MAGEC3: variants seen among roughly 807,000 people sequenced by gnomAD.
MAGEC3 encodes the protein melanoma-associated antigen C3.
MAGEC3 carries 34 observed loss-of-function variants against 35.3 expected under a neutral mutation model. That is an observed-to-expected ratio of 0.96 (90% CI 0.73 to 1.28). MAGEC3 has a LOEUF of 1.28. Ranked by LOEUF, MAGEC3 falls within the 50% of genes most tolerant of loss-of-function variation. The pLI is 0.00. For missense variants in MAGEC3, 561 were observed against 483.6 expected, an observed-to-expected ratio of 1.16 and a Z score of -1.50; for synonymous variants, 202 against 185.6, an observed-to-expected ratio of 1.09 and a Z score of -0.72.
chrX:141,893,230 A>G (rs1308817344), intron 4 of MAGEC3, among the ~76,000 whole-genome samples: 2 of 112,103 alleles, frequency 1.8e-5, no homozygotes, highest in African/African-American at 6.5e-5. Context: ...AGGAGCTTTC[A>G]GTCATTGTTA....
chrX:141,840,999 T>G (rs979459556), intron 1 of MAGEC3, among the ~76,000 whole-genome samples: 52 of 111,380 alleles, frequency 4.7e-4, no homozygotes, highest in African/African-American at 1.6e-3. Flanking sequence ...AGAGGAAGCA[T>G]CAGGAACCAC....
chrX:141,879,043 T>C (rs769399839), intron 2 of MAGEC3, 132 bp from the exon 3 acceptor site: 645 of 751,314 alleles, frequency 8.6e-4, no homozygotes, highest in Non-Finnish European at 1.1e-3. Flanking sequence ...TATTCGGAGG[T>C]GAAAGACTCA....
chrX:141,868,101 C>T (rs891477150), intron 2 of MAGEC3, among the ~76,000 whole-genome samples: 7 of 107,954 alleles, frequency 6.5e-5, no homozygotes, highest in East Asian at 5.9e-4. Flanking sequence ...CCAGCCTGGG[C>T]GACAGAGCGA....
chrX:141,892,641 C>T (rs912910432), intron 4 of MAGEC3, among the ~76,000 whole-genome samples: 51 of 111,055 alleles, frequency 4.6e-4, no homozygotes, highest in African/African-American at 1.5e-3. Context: ...TATTCACAAA[C>T]ACATTTTATC....
rs12392979 is a variant in MAGEC3 at position 141,868,742 on chromosome X, A to G, written c.258+3137A>G. On this transcript the variant is annotated intron_variant, in intron 2 of 7. Transcript: ENST00000298296. ...GGCCTGTTAGAAAGTGACATTCTTT[A>G]CTTACCATAGATTAGAAACTCTGTA... Among the ~76,000 whole-genome samples, 450 of 110,808 alleles carry G rather than the reference A, an allele frequency of 4.1e-3. 2 individuals are homozygous for G. The highest frequency in any genetic ancestry group is 0.014 in the African/African-American group (432 of 30,528).
At chrX:141,843,648 C>T (rs2017699221) in intron 1 of MAGEC3, among the ~76,000 whole-genome samples, 1 of 110,795 alleles carries the variant, frequency 9.0e-6, no homozygotes, top group South Asian at 3.8e-4. Context: ...AATTGAATGA[C>T]TCAAGAGCAA....
rs1163487763 is a variant in MAGEC3 at position 141,886,918 on chromosome X, G to C, written c.909+5122G>C. Among the ~76,000 whole-genome samples, 3 of 111,974 alleles carry C rather than the reference G, an allele frequency of 2.7e-5. No individual in the cohort carries two copies. In the East Asian group the frequency reaches 8.5e-4, roughly 32 times the overall value. On this transcript the variant is annotated intron_variant, in intron 4 of 7. Coordinates refer to ENST00000298296, the MANE Select transcript of MAGEC3 (RefSeq NM_138702.1). ...TGTGGAGATGAGTGCCACCATCGAG[G>C]AACTGAAATACGCAGGGGTGGTGAT...
intron 4 of MAGEC3, among the ~76,000 whole-genome samples, chrX:141,884,472 C>T (rs775642183): frequency 1.8e-5 from 2 of 111,315 alleles, no homozygotes; most frequent in African/African-American, 3.3e-5. Flanking sequence ...ATACACTCCC[C>T]TTTATATATA....
chrX:141,888,984 C>A (rs778116020), intron 4 of MAGEC3, among the ~76,000 whole-genome samples: 2 of 112,334 alleles, frequency 1.8e-5, no homozygotes, highest in South Asian at 3.7e-4. Context: ...CCAAGATTAC[C>A]ATCTGTGGAC....
At chrX:141,855,879 A>G (rs16979898) in intron 1 of MAGEC3, among the ~76,000 whole-genome samples, 4,948 of 111,742 alleles carry the variant, frequency 0.044, 303 homozygotes, top group African/African-American at 0.15. Flanking sequence ...TATTTGAAAT[A>G]GAACTACAGG....
At chrX:141,854,722 G>A (rs778007652) in intron 1 of MAGEC3, among the ~76,000 whole-genome samples, 1 of 111,382 alleles carries the variant, frequency 9.0e-6, no homozygotes, top group Non-Finnish European at 1.9e-5. Flanking sequence ...GTCCAGTCTT[G>A]AGTATGTCTT....
chrX:141,892,584 A>ATGAT (rs1353444348), intron 4 of MAGEC3, among the ~76,000 whole-genome samples: 2 of 111,211 alleles, frequency 1.8e-5, no homozygotes, highest in East Asian at 5.8e-4. Flanking sequence ...TTTAATAATA[A>ATGAT]TGATTATTAT....
intron 2 of MAGEC3, among the ~76,000 whole-genome samples, chrX:141,872,901 T>C (rs1445401924): frequency 9.0e-6 from 1 of 111,696 alleles, no homozygotes; most frequent in East Asian, 2.8e-4. Flanking sequence ...ATGGGGTGGG[T>C]GGCTAGAGAC....
intron 2 of MAGEC3, among the ~76,000 whole-genome samples, chrX:141,877,083 T>C (rs945932602): frequency 9.8e-5 from 11 of 112,399 alleles, no homozygotes; most frequent in African/African-American, 3.6e-4. Context: ...CCTTTGGCAG[T>C]TTTGATTTAG....
intron 4 of MAGEC3, chrX:141,894,810 G>T: frequency 1.0e-6 from 1 of 960,343 alleles, no homozygotes. Flanking sequence ...GGTGAAAACG[G>T]AGAGGTGGGC....
chrX:141,894,146 G>C (rs2018064826), intron 4 of MAGEC3, among the ~76,000 whole-genome samples: 1 of 111,702 alleles, frequency 9.0e-6, no homozygotes, highest in Non-Finnish European at 1.9e-5. Flanking sequence ...AGAGTCTTTG[G>C]AGAAGTGCCT....
intron 1 of MAGEC3, among the ~76,000 whole-genome samples, chrX:141,840,630 C>T (rs1008930446): frequency 2.7e-5 from 3 of 111,330 alleles, no homozygotes; most frequent in Non-Finnish European, 5.7e-5. Flanking sequence ...GAGTGCCTCT[C>T]CTCACTAAAT....
rs187348638 is a variant in MAGEC3 at position 141,888,827 on chromosome X, C to T, written c.910-6442C>T. Reference sequence around the variant, plus strand: ...CCAACACTGAGCCCTCGATATGGTACCTTTCCTCAGGATGATCAGCCAGCT... The same window carrying T: ...CCAACACTGAGCCCTCGATATGGTATCTTTCCTCAGGATGATCAGCCAGCT... On this transcript the variant is annotated intron_variant, in intron 4 of 7. Coordinates refer to ENST00000298296, the MANE Select transcript of MAGEC3 (RefSeq NM_138702.1). Among the ~76,000 whole-genome samples the T allele has an allele frequency of 1.7e-3, 193 of 112,198 alleles. 1 individual carries two copies. Among genetic ancestry groups the T allele is most frequent in the African/African-American group, 6.1e-3 (188 of 30,851 alleles).
At position 141,848,167 on chromosome X, in the gene MAGEC3, A is replaced by T. The variant is rs150165902; in HGVS notation, c.123+9729A>T. On this transcript the variant is annotated intron_variant, in intron 1 of 7. Coordinates refer to ENST00000298296, the MANE Select transcript of MAGEC3 (RefSeq NM_138702.1). ...TATCTAAAGAGGCAGCTATATAGAG[A>T]GATATTTATTTTAATGAATGGTTCA... Among the ~76,000 whole-genome samples the T allele has an allele frequency of 9.7e-3, 1,064 of 109,945 alleles. 2 individuals are homozygous for T. Among genetic ancestry groups the T allele is most frequent in the Middle Eastern group, 0.033 (7 of 213 alleles).
Sources: allele counts gnomAD v4.1 joint callset (sites outside exome capture counted in the v4.1 genomes callset), GRCh38; gene constraint gnomAD v4.1.1; transcripts MANE v1.5; gene names NCBI Gene and HGNC (gene_info 2026-07-23, HGNC 2026-07-21).